The following ZNF717 variants were observed in gnomAD, a reference collection of about 807,000 sequenced individuals.
ZNF717 encodes the protein krueppel-like factor X17.
In ZNF717, 9 loss-of-function variants were observed where a neutral mutation model predicts 13.8. The observed-to-expected ratio is 0.65, with a 90% confidence interval of 0.39 to 1.14. ZNF717 has a LOEUF of 1.14. ZNF717 is among the 50% of genes most tolerant of loss of function. The pLI is 0.01. For synonymous variants in ZNF717, 327 were observed against 364.1 expected (o/e 0.90, Z 1.16); for missense variants, 1,040 against 1,080.7 (o/e 0.96, Z 0.53).
downstream of ZNF717, among the ~76,000 whole-genome samples, chr3:75,729,059 G>A (rs1428172388): frequency 6.6e-6 from 1 of 150,956 alleles, no homozygotes; most frequent in Admixed American, 6.6e-5. Context: ...GGTGAGAACA[G>A]ACTGCTACAG....
chr3:75,769,157 T>C (rs554658540), intron 2 of ZNF717, among the ~76,000 whole-genome samples: 41 of 152,258 alleles, frequency 2.7e-4, no homozygotes, highest in African/African-American at 6.0e-4. Context: ...TGAGTATGAC[T>C]GGACAGTGTG....
intron 2 of ZNF717, among the ~76,000 whole-genome samples, chr3:75,754,359 TA>T (rs1037024577): frequency 1.6e-4 from 24 of 146,292 alleles, no homozygotes; most frequent in Middle Eastern, 3.6e-3. Context: ...GGCAAAAAAA[TA>T]AAAAAAAATA....
chr3:75,771,238 C>T (rs889490521), intron 2 of ZNF717, among the ~76,000 whole-genome samples: 3 of 152,006 alleles, frequency 2.0e-5, no homozygotes, highest in African/African-American at 7.2e-5. Context: ...GTTTCTGGAC[C>T]TCACTGCTGA....
chr3:75,710,918 C>T (rs1482092376), exon 6 of ZNF717: 1 of 152,098 alleles, frequency 6.6e-6, no homozygotes, highest in Non-Finnish European at 1.5e-5. Context: ...CATTAATTTA[C>T]AGAAAGTTCA....
intron 2 of ZNF717, among the ~76,000 whole-genome samples, chr3:75,769,247 C>G (rs747209890): frequency 2.6e-5 from 4 of 152,116 alleles, no homozygotes; most frequent in African/African-American, 9.7e-5. Flanking sequence ...TGGACACACA[C>G]CCTGGGAGAA....
chr3:75,761,379 C>G (rs1288366272), intron 2 of ZNF717, among the ~76,000 whole-genome samples: 1 of 152,248 alleles, frequency 6.6e-6, no homozygotes, highest in Non-Finnish European at 1.5e-5. Context: ...GGAAACTCCT[C>G]AGTAAATAAA....
At chr3:75,702,664 T>C (rs1937718916) in intron 6 of ZNF717, among the ~76,000 whole-genome samples, 2 of 152,306 alleles carry the variant, frequency 1.3e-5, no homozygotes, top group East Asian at 1.9e-4. Flanking sequence ...GAGGGATGGA[T>C]ACACCATTTT....
chr3:75,761,632 T>C (rs1368831370), intron 2 of ZNF717, among the ~76,000 whole-genome samples: 1 of 152,264 alleles, frequency 6.6e-6, no homozygotes, highest in African/African-American at 2.4e-5. Context: ...AATCCTGAAA[T>C]TCCACAAAAT....
At chr3:75,735,058 C>T (rs1398278495), downstream of ZNF717, among the ~76,000 whole-genome samples, 1 of 152,180 alleles carries the variant, frequency 6.6e-6, no homozygotes, top group Admixed American at 6.5e-5. Flanking sequence ...ATCTCCTGAC[C>T]TCATGATCCA....
chr3:75,711,554 G>T (rs1156280326), intron 5 of ZNF717, among the ~76,000 whole-genome samples: 1 of 152,154 alleles, frequency 6.6e-6, no homozygotes, highest in African/African-American at 2.4e-5. Flanking sequence ...CCAGCACTTT[G>T]TGAGGCTGAG....
In ZNF717 at chr3:75,736,825, G is replaced by A. The variant is rs1178218746; in HGVS notation, c.*53C>T. On this transcript the variant is annotated 3_prime_UTR_variant, in exon 5 of 5. Coordinates refer to ENST00000652011, the MANE Select transcript of ZNF717 (RefSeq NM_001290208.3). ...CACCATTTGTGTCCATATTCTCCTA[G>A]ACTGAGCATGGAGAAATCTGTAATA... The A allele has an allele frequency of 6.7e-7, 1 of 1,482,690 alleles. No individual in the cohort carries two copies. The highest frequency in any genetic ancestry group is 9.0e-7 in the Non-Finnish European group (1 of 1,111,852). 91.8% of individuals were successfully genotyped at this position (1,482,690 alleles called of 1,614,324 possible).
intron 1 of ZNF717, among the ~76,000 whole-genome samples, chr3:75,784,548 G>C (rs1172948036): frequency 6.6e-6 from 1 of 152,110 alleles, no homozygotes; most frequent in Non-Finnish European, 1.5e-5. Flanking sequence ...ACTGTGTTTG[G>C]AGAGTATTTT....
At chr3:75,768,364 G>GT (rs1943648909) in intron 2 of ZNF717, among the ~76,000 whole-genome samples, 4 of 118,722 alleles carry the variant, frequency 3.4e-5, no homozygotes, top group African/African-American at 1.2e-4. Context: ...TGAGTGTGGG[G>GT]GGGGGGGGTA....
At chr3:75,776,622 A>C (rs1354458696) in intron 2 of ZNF717, among the ~76,000 whole-genome samples, 1 of 152,182 alleles carries the variant, frequency 6.6e-6, no homozygotes, top group Non-Finnish European at 1.5e-5. Flanking sequence ...TGACAGCAAA[A>C]CTTTAAAACC....
chr3:75,706,359 C>G (rs1937802658), downstream of ZNF717, among the ~76,000 whole-genome samples: 1 of 152,134 alleles, frequency 6.6e-6, no homozygotes, highest in Non-Finnish European at 1.5e-5. Flanking sequence ...CAGCCTTAGG[C>G]TTCCAGACTC....
At chr3:75,701,406 C>T (rs1575711030) in intron 6 of ZNF717, among the ~76,000 whole-genome samples, 1 of 152,308 alleles carries the variant, frequency 6.6e-6, no homozygotes, top group East Asian at 1.9e-4. Context: ...TGTGGTGGCT[C>T]ACGCCTGTAA....
At chr3:75,733,312 C>A (rs1410686788), downstream of ZNF717, among the ~76,000 whole-genome samples, 4 of 152,360 alleles carry the variant, frequency 2.6e-5, no homozygotes, top group African/African-American at 9.6e-5. Context: ...ACAACTTCCA[C>A]TGTTAATGTC....
rs79963736 is a variant in ZNF717, at chr3:75,743,864, G to C, written c.58-2128C>G. ...GAATACGATAACCAGAAGTGACACA[G>C]ACTTGGACATATCATGTGTGAAACA... On this transcript the variant is annotated intron_variant, in intron 2 of 4. Coordinates refer to ENST00000652011, the MANE Select transcript of ZNF717 (RefSeq NM_001290208.3). Among the ~76,000 whole-genome samples the C allele has an allele frequency of 2.6e-4, 39 of 152,348 alleles. 1 individual carries two copies. The highest frequency in any genetic ancestry group is 2.4e-3 in the Admixed American group (37 of 15,290).
chr3:75,765,001 AT>A (rs1308898654), intron 2 of ZNF717, among the ~76,000 whole-genome samples: 301 of 25,250 alleles, frequency 0.012, 1 homozygote, highest in African/African-American at 0.037. Context: ...ATATATATAT[AT>A]ATATATATAT....
Sources: allele counts gnomAD v4.1 joint callset (sites outside exome capture counted in the v4.1 genomes callset), GRCh38; gene constraint gnomAD v4.1.1; transcripts MANE v1.5; gene names NCBI Gene and HGNC (gene_info 2026-07-23, HGNC 2026-07-21).